The following KAZN variants were observed in gnomAD, a reference collection of about 807,000 sequenced individuals.
KAZN encodes the protein kazrin, periplakin interacting protein.
A neutral mutation model predicts 87.4 loss-of-function variants in KAZN; 40 were observed. That is an observed-to-expected ratio of 0.46 (90% CI 0.36 to 0.60). KAZN has a LOEUF of 0.60. Among genes scored for constraint, KAZN ranks in the 20% least tolerant of loss-of-function variants. The probability of loss-of-function intolerance (pLI) is 0.00; values close to 1 mark genes in which losing one functional copy is unlikely to be tolerated. For missense variants in KAZN, 898 were observed against 1,073.9 expected (o/e 0.84, Z 2.29); for synonymous variants, 466 against 458.3 (o/e 1.02, Z -0.22).
chr1:13,982,411 C>G (rs76701874), intron 1 of KAZN, among the ~76,000 whole-genome samples: 1 of 152,304 alleles, frequency 6.6e-6, no homozygotes, highest in African/African-American at 2.4e-5. Context: ...CTAGCTGGCT[C>G]AGGAGTGAAG....
At chr1:14,131,359 T>C (rs1014611230) in intron 1 of KAZN, among the ~76,000 whole-genome samples, 9 of 152,218 alleles carry the variant, frequency 5.9e-5, no homozygotes, top group Admixed American at 5.9e-4. Flanking sequence ...TGGTCACCTC[T>C]TAGCCAGAGA....
In KAZN at chr1:14,949,653, G is replaced by A. The variant is rs1662248755; in HGVS notation, c.227-11031G>A. Among the ~76,000 whole-genome samples, 1 of 152,164 alleles carries A rather than the reference G, an allele frequency of 6.6e-6. No individual in the cohort carries two copies. Among genetic ancestry groups the A allele is most frequent in the African/African-American group, 2.4e-5 (1 of 41,416 alleles). On this transcript the variant is annotated intron_variant, in intron 1 of 14. Transcript: ENST00000376030. The surrounding 1 kb of genome is among the most constrained non-coding windows in gnomAD (Gnocchi z 4.3). ...CCCAAACCTCCGGCAGACCCCAGGGGGCTGCGTCCTGCAGTGCCAATCCTC... is the reference window on the plus strand; with the variant it reads ...CCCAAACCTCCGGCAGACCCCAGGGAGCTGCGTCCTGCAGTGCCAATCCTC...
At chr1:14,672,219 T>G (rs1220766413) in intron 1 of KAZN, among the ~76,000 whole-genome samples, 1 of 152,160 alleles carries the variant, frequency 6.6e-6, no homozygotes, top group African/African-American at 2.4e-5. Context: ...CCCAGCTGGT[T>G]GGGAAACAAA....
At chr1:14,954,998 C>T (rs1451952763) in intron 1 of KAZN, among the ~76,000 whole-genome samples, 1 of 152,168 alleles carries the variant, frequency 6.6e-6, no homozygotes, top group Non-Finnish European at 1.5e-5. Flanking sequence ...CCATACTAAG[C>T]AGTGCAGCTA....
chr1:13,951,016 A>G (rs1373008539), intron 1 of KAZN, among the ~76,000 whole-genome samples: 1 of 152,212 alleles, frequency 6.6e-6, no homozygotes, highest in Non-Finnish European at 1.5e-5. Context: ...CCCTGCCTGG[A>G]GTCCATGGGA....
At chr1:13,920,036 G>T (rs1481527565) in intron 1 of KAZN, among the ~76,000 whole-genome samples, 5 of 152,068 alleles carry the variant, frequency 3.3e-5, no homozygotes, top group African/African-American at 7.2e-5. Flanking sequence ...TGGATCACAA[G>T]GTCAGGAGTT....
chr1:14,947,161 C>G lies in KAZN; in HGVS notation c.227-13523C>G, dbSNP rs1199014846. Among the ~76,000 whole-genome samples, 3 of 152,236 alleles carry G rather than the reference C, an allele frequency of 2.0e-5. No homozygotes were observed. The South Asian group carries it at 6.2e-4, about 32-fold the overall frequency. ...CGTGCTCAAGTTGCTTCCTCCCGAT[C>G]TGCAGTGAGCTTTGGGCTCCCTGTG... On this transcript the variant is annotated intron_variant, in intron 1 of 14. Transcript: ENST00000376030.
At chr1:13,934,050 G>A (rs907687734) in intron 1 of KAZN, among the ~76,000 whole-genome samples, 10 of 152,168 alleles carry the variant, frequency 6.6e-5, no homozygotes, top group African/African-American at 2.2e-4. Context: ...TTGAATAAAT[G>A]GAAATAGCCT....
intron 2 of KAZN, among the ~76,000 whole-genome samples, chr1:14,557,640 GT>G (rs1673979266): frequency 1.4e-5 from 2 of 141,582 alleles, no homozygotes; most frequent in African/African-American, 5.2e-5. Flanking sequence ...GTGTGTGTGT[GT>G]GTGTGTGTGT....
At chr1:14,803,042 C>T (rs1403064423) in intron 1 of KAZN, among the ~76,000 whole-genome samples, 2 of 152,010 alleles carry the variant, frequency 1.3e-5, no homozygotes, top group Non-Finnish European at 2.9e-5. Flanking sequence ...GACAGAGTTA[C>T]ATTATGTATG....
rs1363627549 is a variant in KAZN, at chr1:15,099,738, T to G, written c.1548-1805T>G. ...AGGGGAGTGCACGGTCACACTGACA[T>G]TTTAAAAGGACCCCCTGGTGGTCCT... On this transcript the variant is annotated intron_variant, in intron 10 of 14. Coordinates refer to ENST00000376030, the MANE Select transcript of KAZN (RefSeq NM_201628.3). The surrounding 1 kb of genome is among the most constrained non-coding windows in gnomAD (Gnocchi z 5.4). 2.6e-5 allele frequency among the ~76,000 whole-genome samples: 4 copies of G among 151,960 alleles called. No homozygotes were observed. The highest frequency in any genetic ancestry group is 7.3e-5 in the African/African-American group (3 of 41,354).
chr1:14,019,443 C>T (rs1273529307), intron 1 of KAZN, among the ~76,000 whole-genome samples: 3 of 152,168 alleles, frequency 2.0e-5, no homozygotes, highest in African/African-American at 7.2e-5. Context: ...TATGGTCACT[C>T]TTTTCCTAGC....
chr1:14,276,326 C>A (rs1387625229), intron 2 of KAZN, among the ~76,000 whole-genome samples: 1 of 151,788 alleles, frequency 6.6e-6, no homozygotes, highest in Non-Finnish European at 1.5e-5. Context: ...TTTTTCAACT[C>A]CTGTTGAGAA....
At chr1:14,244,535 G>A (rs772900329) in intron 2 of KAZN, among the ~76,000 whole-genome samples, 24 of 152,160 alleles carry the variant, frequency 1.6e-4, no homozygotes, top group Admixed American at 2.6e-4. Flanking sequence ...AAGGAGCTGA[G>A]GTTCTATTGG....
At chr1:14,355,127 A>G (rs1168354280) in intron 2 of KAZN, among the ~76,000 whole-genome samples, 2 of 152,218 alleles carry the variant, frequency 1.3e-5, no homozygotes, top group Non-Finnish European at 2.9e-5. Context: ...CCTATATGAA[A>G]TTCCAGAACC....
chr1:13,965,737 G>A (rs755831943), intron 1 of KAZN, among the ~76,000 whole-genome samples: 3 of 152,180 alleles, frequency 2.0e-5, no homozygotes, highest in Admixed American at 6.5e-5. Context: ...CTGGAGCTGC[G>A]TCTTAATTAT....
chr1:14,239,804 G>C (rs1557585954), intron 2 of KAZN, among the ~76,000 whole-genome samples: 1 of 152,036 alleles, frequency 6.6e-6, no homozygotes, highest in Non-Finnish European at 1.5e-5. Context: ...AACTGAGTGT[G>C]ATTTTGCCTG....
At chr1:14,522,367 A>G (rs1671633273) in intron 2 of KAZN, among the ~76,000 whole-genome samples, 1 of 152,204 alleles carries the variant, frequency 6.6e-6, no homozygotes, top group Non-Finnish European at 1.5e-5. Flanking sequence ...CTTTATGGTG[A>G]CAGCTAGGCT....
At chr1:14,115,826 C>T (rs529566243) in intron 1 of KAZN, among the ~76,000 whole-genome samples, 7 of 152,240 alleles carry the variant, frequency 4.6e-5, no homozygotes, top group Admixed American at 1.3e-4. Context: ...GATAGCGATA[C>T]GGACAATAAA....
Sources: gnomAD v4.1 joint callset for allele counts (sites outside exome capture counted in the v4.1 genomes callset) on GRCh38, gnomAD v4.1.1 for gene constraint, Gnocchi (gnomAD v3.1) non-coding constraint, MANE v1.5 for transcripts, NCBI Gene and HGNC (gene_info 2026-07-23, HGNC 2026-07-21) for gene names.